The following NELL2 variants were observed in gnomAD, a reference collection of about 807,000 sequenced individuals.
NELL2 encodes the protein neural EGFL like 2, also known as protein kinase C-binding protein NELL2.
NELL2 carries 41 observed loss-of-function variants against 109.6 expected under a neutral mutation model. That is an observed-to-expected ratio of 0.37 (90% CI 0.29 to 0.49). The LOEUF is 0.49. Among genes scored for constraint, NELL2 ranks in the 20% least tolerant of loss-of-function variants. The pLI, the probability that NELL2 is intolerant of heterozygous loss-of-function variation, is 0.98. For synonymous variants in NELL2, 355 were observed against 344.7 expected (o/e 1.03, Z -0.33); for missense variants, 900 against 1,008.3 (o/e 0.89, Z 1.45).
chr12:44,541,481 G>C (rs1942569483), intron 15 of NELL2, among the ~76,000 whole-genome samples: 1 of 151,958 alleles, frequency 6.6e-6, no homozygotes, highest in East Asian at 1.9e-4. Context: ...GGATCAAGTA[G>C]AAGTTGTCTC....
At chr12:44,546,873 C>T (rs1343862055) in intron 15 of NELL2, among the ~76,000 whole-genome samples, 4 of 152,030 alleles carry the variant, frequency 2.6e-5, no homozygotes, top group Non-Finnish European at 5.9e-5. Context: ...TTGCATTTTT[C>T]TGATTATTTA....
intron 11 of NELL2, among the ~76,000 whole-genome samples, chr12:44,705,919 T>G (rs1004223104): frequency 2.6e-5 from 4 of 152,192 alleles, no homozygotes; most frequent in Non-Finnish European, 4.4e-5. Context: ...ACTTTTCACT[T>G]GGTTGAATTT....
intron 15 of NELL2, among the ~76,000 whole-genome samples, chr12:44,599,780 T>C (rs1466890042): frequency 6.6e-6 from 1 of 152,016 alleles, no homozygotes; most frequent in African/African-American, 2.4e-5. Context: ...GCAGGCACAA[T>C]GCTTTGAAAC....
chr12:44,889,473 A>AC (rs1297037673), intron 1 of NELL2, among the ~76,000 whole-genome samples: 1 of 151,964 alleles, frequency 6.6e-6, no homozygotes, highest in Non-Finnish European at 1.5e-5. Context: ...TCAATACACT[A>AC]CGGTACTTAA....
At chr12:44,647,328 T>C (rs1475342002) in intron 13 of NELL2, among the ~76,000 whole-genome samples, 1 of 152,196 alleles carries the variant, frequency 6.6e-6, no homozygotes, top group Non-Finnish European at 1.5e-5. Context: ...AGCCAAATGT[T>C]TTTTCCTCTC....
At chr12:44,689,196 CT>C (rs1331305587) in intron 12 of NELL2, among the ~76,000 whole-genome samples, 1 of 152,138 alleles carries the variant, frequency 6.6e-6, no homozygotes, top group South Asian at 2.1e-4. Flanking sequence ...TCCTCTGGGC[CT>C]TTTCCATGTA....
chr12:44,918,515 G>GCA (rs1342734440), upstream of NELL2, among the ~76,000 whole-genome samples: 1 of 124,874 alleles, frequency 8.0e-6, no homozygotes, highest in Admixed American at 7.8e-5. Context: ...ATGCATGCAT[G>GCA]TATGTGTGTG....
At chr12:44,817,124 G>A (rs537805813) in intron 2 of NELL2, among the ~76,000 whole-genome samples, 2 of 152,180 alleles carry the variant, frequency 1.3e-5, no homozygotes, top group Non-Finnish European at 1.5e-5. Flanking sequence ...CTCATGCACT[G>A]TAAAACATTT....
intron 12 of NELL2, among the ~76,000 whole-genome samples, chr12:44,670,386 G>C (rs896343622): frequency 6.6e-6 from 1 of 151,844 alleles, no homozygotes; most frequent in Non-Finnish European, 1.5e-5. Flanking sequence ...CCATCAAATT[G>C]TAAAGTAAAC....
At position 44,887,175 on chromosome 12, in the gene NELL2, TTTTG is replaced by T. The variant is rs893881294; in HGVS notation, c.39-11279_39-11276del. Among the ~76,000 whole-genome samples, 10 of 152,062 alleles carry T rather than the reference TTTTG, an allele frequency of 6.6e-5. 1 individual carries two copies. Among genetic ancestry groups the T allele is most frequent in the African/African-American group, 9.7e-5 (4 of 41,376 alleles). On this transcript the variant is annotated intron_variant, in intron 1 of 20. Transcript: ENST00000333837. Reference sequence around the variant, plus strand: ...TATCATATGGCAGCTCTTTTTTAGTTTTTGTTTGTTTGTTTGCTTGTTTTAGCAA... The same window carrying T: ...TATCATATGGCAGCTCTTTTTTAGTTTTTGTTTGTTTGCTTGTTTTAGCAA...
chr12:44,858,702 G>T (rs1261295080), intron 2 of NELL2, among the ~76,000 whole-genome samples: 1 of 152,130 alleles, frequency 6.6e-6, no homozygotes, highest in African/African-American at 2.4e-5. Context: ...TAAGACTAAT[G>T]TCTATCCCGG....
Position 44,611,605 on chromosome 12 carries a change from T to C in NELL2, c.1445-635A>G, listed in dbSNP as rs563059594. Among the ~76,000 whole-genome samples, 7 of 152,218 alleles carry C rather than the reference T, an allele frequency of 4.6e-5. No individual in the cohort carries two copies. The South Asian group carries it at 8.3e-4, about 18-fold the overall frequency. ...ACTTTAGAATATGTAATCAATATAG[T>C]ATCTGCTCTAACTGCTTATAACTTG... On this transcript the variant is annotated intron_variant, in intron 13 of 19. Coordinates refer to ENST00000429094, the MANE Select transcript of NELL2 (RefSeq NM_001145108.2).
intron 9 of NELL2, among the ~76,000 whole-genome samples, chr12:44,732,344 G>A (rs186724553): frequency 8.6e-5 from 13 of 151,990 alleles, no homozygotes; most frequent in Non-Finnish European, 1.2e-4. Flanking sequence ...ACATAAAACC[G>A]TATGGTTTTT....
intron 15 of NELL2, among the ~76,000 whole-genome samples, chr12:44,604,780 GTT>G (rs1401233697): frequency 6.6e-6 from 1 of 152,120 alleles, no homozygotes; most frequent in East Asian, 1.9e-4. Flanking sequence ...GAACATGAAA[GTT>G]TTTCTTCAGT....
intron 2 of NELL2, among the ~76,000 whole-genome samples, chr12:44,858,301 C>T (rs1944740771): frequency 6.6e-6 from 1 of 152,144 alleles, no homozygotes; most frequent in Non-Finnish European, 1.5e-5. Flanking sequence ...AGAATTACCT[C>T]CATCATTCCT....
intron 2 of NELL2, among the ~76,000 whole-genome samples, chr12:44,819,940 C>G (rs1943484164): frequency 6.6e-6 from 1 of 152,062 alleles, no homozygotes; most frequent in African/African-American, 2.4e-5. Flanking sequence ...GAGAAAGAGA[C>G]AGTGTGGAAT....
intron 1 of NELL2, among the ~76,000 whole-genome samples, chr12:44,900,137 A>G (rs189648475): frequency 6.6e-6 from 1 of 152,326 alleles, no homozygotes; most frequent in Non-Finnish European, 1.5e-5. Context: ...CTACAAAGAG[A>G]CTTAGACTCC....
intron 5 of NELL2, among the ~76,000 whole-genome samples, chr12:44,778,060 G>A (rs1941819798): frequency 6.6e-6 from 1 of 152,052 alleles, no homozygotes; most frequent in South Asian, 2.1e-4. Flanking sequence ...GACACATCCA[G>A]CTGTCTCTTT....
intron 12 of NELL2, among the ~76,000 whole-genome samples, chr12:44,685,481 C>T (rs1263284882): frequency 6.6e-6 from 1 of 151,656 alleles, no homozygotes; most frequent in Non-Finnish European, 1.5e-5. Flanking sequence ...TTATTTTGCT[C>T]GCTAGTTGAT....
Sources: gnomAD v4.1 joint callset for allele counts (sites outside exome capture counted in the v4.1 genomes callset) on GRCh38, gnomAD v4.1.1 for gene constraint, MANE v1.5 for transcripts, NCBI Gene and HGNC (gene_info 2026-07-23, HGNC 2026-07-21) for gene names.